SCEL: variants seen among roughly 807,000 people sequenced by gnomAD.
The protein encoded by SCEL is sciellin.
A neutral mutation model predicts 117.6 loss-of-function variants in SCEL; 113 were observed. The ratio of observed to expected loss-of-function variants is 0.96; its 90% confidence interval spans 0.83 to 1.12. The LOEUF (loss-of-function observed/expected upper bound fraction) is 1.12. Among genes scored for constraint, SCEL ranks in the 50% most tolerant of loss-of-function variants. The pLI, the probability that SCEL is intolerant of heterozygous loss-of-function variation, is 0.00. For missense variants in SCEL, 785 were observed against 810.8 expected (o/e 0.97, Z 0.39); for synonymous variants, 270 against 256.2 (o/e 1.05, Z -0.51).
At chr13:77,611,998 A>G (rs989672058) in intron 22 of SCEL, among the ~76,000 whole-genome samples, 1 of 152,156 alleles carries the variant, frequency 6.6e-6, no homozygotes, top group Non-Finnish European at 1.5e-5. Context: ...ACTGACATTC[A>G]ATTATTTTTG....
chr13:77,557,387 T>A (rs966790648), intron 3 of SCEL, among the ~76,000 whole-genome samples: 2 of 152,382 alleles, frequency 1.3e-5, no homozygotes, highest in East Asian at 1.9e-4. Context: ...TTATATATTA[T>A]GTTATGTGTA....
At position 77,637,112 on chromosome 13, in the gene SCEL, G is replaced by A. The variant is rs1423364966; in HGVS notation, c.1764-8G>A. Reference sequence around the variant, plus strand: ...TGATTCTCACATGTCCATATATTTTGTTCCTAGTAAATCACCCAAGGATGG... The same window carrying A: ...TGATTCTCACATGTCCATATATTTTATTCCTAGTAAATCACCCAAGGATGG... On this transcript the variant is annotated splice_polypyrimidine_tract_variant and splice_region_variant and intron_variant, in intron 29 of 32. Transcript: ENST00000349847. 5.5e-6 allele frequency: 8 copies of A among 1,461,598 alleles called. No individual in the cohort carries two copies. The South Asian group carries it at 6.1e-5, about 11-fold the overall frequency. The allele number at this position is 1,461,598 out of a possible 1,614,324, so 90.5% of individuals were successfully genotyped here.
chr13:77,569,092 G>A (rs149171338), intron 7 of SCEL, among the ~76,000 whole-genome samples: 1,997 of 152,306 alleles, frequency 0.013, 30 homozygotes, highest in African/African-American at 0.038. Context: ...TCTGTAGCAC[G>A]CCAGAATTGA....
chr13:77,557,395 G>A (rs2084725634), intron 3 of SCEL, among the ~76,000 whole-genome samples: 1 of 152,166 alleles, frequency 6.6e-6, no homozygotes, highest in Non-Finnish European at 1.5e-5. Flanking sequence ...TATGTTATGT[G>A]TATATTATAA....
intron 5 of SCEL, 63 bp from the exon 6 acceptor site, chr13:77,567,617 G>T: frequency 9.0e-7 from 1 of 1,109,954 alleles, no homozygotes; most frequent in South Asian, 1.3e-5. Context: ...GCATGAAAAT[G>T]GTCTGAAAGG....
chr13:77,586,025 C>T (rs1309534217), intron 9 of SCEL, among the ~76,000 whole-genome samples: 1 of 152,184 alleles, frequency 6.6e-6, no homozygotes, highest in Non-Finnish European at 1.5e-5. Flanking sequence ...CTCCCTGAAA[C>T]TCTCCATCTC....
chr13:77,569,621 C>T (rs370854890), intron 8 of SCEL, among the ~76,000 whole-genome samples, 170 bp downstream of exon 8: 1 of 152,174 alleles, frequency 6.6e-6, no homozygotes, highest in South Asian at 2.1e-4. Context: ...GTTTTCAATT[C>T]CTGTAGGGCC....
chr13:77,607,919 A>C, intron 19 of SCEL, 137 bp from the exon 20 acceptor site: 1 of 565,796 alleles, frequency 1.8e-6, no homozygotes, highest in South Asian at 2.9e-5. Context: ...CACAATCTTC[A>C]GTCTTCAACT....
At chr13:77,594,073 CAT>C (rs1320918470) in intron 12 of SCEL, among the ~76,000 whole-genome samples, 3 of 152,180 alleles carry the variant, frequency 2.0e-5, no homozygotes, top group Non-Finnish European at 4.4e-5. Context: ...AAATGTCCCT[CAT>C]GTGTACACGG....
intron 28 of SCEL, among the ~76,000 whole-genome samples, 170 bp downstream of exon 28, chr13:77,628,179 T>C (rs9544559): frequency 1.4e-5 from 2 of 139,738 alleles, no homozygotes; most frequent in South Asian, 2.3e-4. Context: ...TGTATATATA[T>C]ATATATATAT....
intron 9 of SCEL, among the ~76,000 whole-genome samples, chr13:77,582,768 TTTG>T (rs1332871890): frequency 2.0e-5 from 3 of 152,210 alleles, no homozygotes; most frequent in Non-Finnish European, 4.4e-5. Context: ...AAATTATGCT[TTTG>T]TTATTATGTT....
intron 8 of SCEL, among the ~76,000 whole-genome samples, chr13:77,570,209 G>A (rs1330176642): frequency 6.6e-6 from 1 of 152,208 alleles, no homozygotes; most frequent in African/African-American, 2.4e-5. Context: ...CTTTGCCATG[G>A]TGCTGCTGGA....
chr13:77,536,494 A>G (rs1481142248), intron 1 of SCEL, among the ~76,000 whole-genome samples: 1 of 152,182 alleles, frequency 6.6e-6, no homozygotes. Flanking sequence ...TCTCTATGGT[A>G]TATTCTGCAT....
At position 77,612,983 on chromosome 13, in the gene SCEL, C is replaced by A. The variant is rs1594121741; in HGVS notation, c.1388+42C>A. 3.7e-6 allele frequency: 4 copies of A among 1,095,556 alleles called. No individual in the cohort carries two copies. The African/African-American group carries it at 4.9e-5, about 13-fold the overall frequency. 67.9% of individuals were successfully genotyped at this position (1,095,556 alleles called of 1,614,324 possible). On this transcript the variant is annotated intron_variant, in intron 23 of 32. Transcript: ENST00000349847. Reference sequence around the variant, plus strand: ...AATTGAAGACTTCTTAGCAAGTCACCAATTTATGCCCCAAAATAAGATTAA... The same window carrying A: ...AATTGAAGACTTCTTAGCAAGTCACAAATTTATGCCCCAAAATAAGATTAA...
At chr13:77,569,075 A>C (rs2085448159) in intron 7 of SCEL, among the ~76,000 whole-genome samples, 1 of 152,252 alleles carries the variant, frequency 6.6e-6, no homozygotes, top group Non-Finnish European at 1.5e-5. Context: ...AATAAAAGAA[A>C]TGTGAATCTG....
At chr13:77,560,674 AAAT>A (rs1567350886) in intron 4 of SCEL, among the ~76,000 whole-genome samples, 1 of 152,226 alleles carries the variant, frequency 6.6e-6, no homozygotes, top group Non-Finnish European at 1.5e-5. Context: ...ACAATGATAC[AAAT>A]AATCTCAGAT....
chr13:77,562,949 A>G (rs570336289), intron 4 of SCEL, among the ~76,000 whole-genome samples: 17 of 152,354 alleles, frequency 1.1e-4, no homozygotes, highest in African/African-American at 4.1e-4. Context: ...TACAAACACA[A>G]TAAATAATGG....
intron 27 of SCEL, among the ~76,000 whole-genome samples, chr13:77,621,022 A>G (rs903634906): frequency 2.6e-5 from 4 of 152,096 alleles, no homozygotes; most frequent in African/African-American, 7.2e-5. Flanking sequence ...GTCACTTTGG[A>G]TGCATCACCT....
chr13:77,632,614 T>A (rs1043290154), intron 28 of SCEL, among the ~76,000 whole-genome samples: 1 of 152,212 alleles, frequency 6.6e-6, no homozygotes, highest in African/African-American at 2.4e-5. Context: ...TCAGCCTGTT[T>A]GAGAATGATA....
Sources: allele counts gnomAD v4.1 joint callset (sites outside exome capture counted in the v4.1 genomes callset), GRCh38; gene constraint gnomAD v4.1.1; transcripts MANE v1.5; gene names NCBI Gene and HGNC (gene_info 2026-07-23, HGNC 2026-07-21).